Variants in EGFR observed in about 807,000 individuals in gnomAD.
EGFR encodes the protein epidermal growth factor receptor.
In EGFR, 58 loss-of-function variants were observed where a neutral mutation model predicts 143.0. That is an observed-to-expected ratio of 0.41 (90% CI 0.33 to 0.50). The LOEUF (loss-of-function observed/expected upper bound fraction) is 0.50. Ranked by LOEUF, EGFR falls within the 20% of genes least tolerant of loss-of-function variation. The pLI is 0.39. For missense variants in EGFR, 1,307 were observed against 1,579.0 expected, an observed-to-expected ratio of 0.83 and a Z score of 2.92; for synonymous variants, 613 against 594.4, an observed-to-expected ratio of 1.03 and a Z score of -0.45.
intron 1 of EGFR, among the ~76,000 whole-genome samples, chr7:55,090,783 A>G (rs1018775932): frequency 1.3e-5 from 2 of 152,226 alleles, no homozygotes; most frequent in African/African-American, 4.8e-5. Flanking sequence ...TCTTCTAAAG[A>G]CAATCATCTT....
At chr7:55,120,883 C>A (rs533006714) in intron 1 of EGFR, among the ~76,000 whole-genome samples, 3 of 152,300 alleles carry the variant, frequency 2.0e-5, no homozygotes, top group East Asian at 3.9e-4. Context: ...AGTCCAAAGG[C>A]ATTACGGTTA....
intron 1 of EGFR, among the ~76,000 whole-genome samples, chr7:55,092,769 C>T (rs1023723134): frequency 1.3e-5 from 2 of 152,238 alleles, no homozygotes; most frequent in Non-Finnish European, 2.9e-5. Flanking sequence ...CCTGCCCCGG[C>T]GTCAGCCGCT....
intron 1 of EGFR, among the ~76,000 whole-genome samples, chr7:55,105,109 T>C (rs914166666): frequency 6.6e-6 from 1 of 152,234 alleles, no homozygotes; most frequent in Non-Finnish European, 1.5e-5. Context: ...GTCTAATGAA[T>C]GTTCTAAATT....
chr7:55,197,341 A>T (rs796602453), intron 22 of EGFR, among the ~76,000 whole-genome samples: 12 of 152,320 alleles, frequency 7.9e-5, no homozygotes, highest in African/African-American at 2.9e-4. Flanking sequence ...AATGCTAATT[A>T]TTTTTGTACA....
Position 55,183,233 on chromosome 7 carries a change from A to G in EGFR, c.2469+1755A>G, listed in dbSNP as rs899097487. 3.3e-5 allele frequency among the ~76,000 whole-genome samples: 5 copies of G among 152,272 alleles called. No homozygotes were observed. The South Asian group carries it at 6.2e-4, about 19-fold the overall frequency. On this transcript the variant is annotated intron_variant, in intron 20 of 27. Transcript: ENST00000275493. Reference sequence around the variant, plus strand: ...CCAGTCATTGAGTTTGAAAATTGCTAAGAGAGTCTGTTGTAAATCTTCTTA... The same window carrying G: ...CCAGTCATTGAGTTTGAAAATTGCTGAGAGAGTCTGTTGTAAATCTTCTTA...
At chr7:55,065,620 A>G (rs953269615) in intron 1 of EGFR, among the ~76,000 whole-genome samples, 5 of 152,222 alleles carry the variant, frequency 3.3e-5, no homozygotes, top group African/African-American at 9.7e-5. Context: ...GACACAGTGA[A>G]TCATGTTGTA....
chr7:55,027,993 T>A (rs3862854), intron 1 of EGFR, among the ~76,000 whole-genome samples: 3,446 of 60,616 alleles, frequency 0.057, 109 homozygotes, highest in African/African-American at 0.14. Context: ...AAAAAAAAAA[T>A]ATATATATAT....
chr7:55,181,074 G>A, intron 19 of EGFR: 1 of 614,466 alleles, frequency 1.6e-6, no homozygotes, highest in Non-Finnish European at 2.9e-6. Flanking sequence ...GGAATCCCCA[G>A]ATGCACCCAG....
chr7:55,041,440 A>G (rs964668426), intron 1 of EGFR, among the ~76,000 whole-genome samples: 1 of 152,152 alleles, frequency 6.6e-6, no homozygotes, highest in Admixed American at 6.5e-5. Flanking sequence ...AGTTTTACAT[A>G]AAAACGTGGA....
intron 1 of EGFR, among the ~76,000 whole-genome samples, chr7:55,036,728 A>C (rs1264208105): frequency 6.6e-6 from 1 of 152,142 alleles, no homozygotes; most frequent in Non-Finnish European, 1.5e-5. Context: ...CTGTTACTGC[A>C]ATTTACTCTT....
intron 6 of EGFR, 75 bp downstream of exon 6, chr7:55,152,739 C>G: frequency 5.6e-6 from 7 of 1,257,800 alleles, no homozygotes; most frequent in Non-Finnish European, 8.1e-6. Flanking sequence ...GGACAGAAGA[C>G]TTCCTGTGGG....
In EGFR at chr7:55,156,430, T is replaced by G. The variant is rs1584179859; in HGVS notation, c.1007-103T>G. The G allele has an allele frequency of 1.6e-5, 24 of 1,530,274 alleles. No individual in the cohort carries two copies. The East Asian group carries it at 5.2e-4, about 33-fold the overall frequency. 94.8% of individuals were successfully genotyped at this position (1,530,274 alleles called of 1,614,324 possible). On this transcript the variant is annotated intron_variant, in intron 8 of 27. Transcript: ENST00000275493. ...TGAAGGATGATGTGGCAGTGGCGGT[T>G]CCGGTGACCGGAATTCCTTCCTGCT...
intron 4 of EGFR, among the ~76,000 whole-genome samples, chr7:55,147,731 T>C (rs1794842630): frequency 6.6e-6 from 1 of 152,192 alleles, no homozygotes; most frequent in Non-Finnish European, 1.5e-5. Context: ...CAGAACTCTT[T>C]TATCTTGCAA....
At position 55,019,272 on chromosome 7, in the gene EGFR, G is replaced by A. The variant is rs2128853256; in HGVS notation, c.-6G>A. On this transcript the variant is annotated 5_prime_UTR_variant, in exon 1 of 28. Coordinates refer to ENST00000275493, the MANE Select transcript of EGFR (RefSeq NM_005228.5). ...AGAGCCGGAGCGAGCTCTTCGGGGA[G>A]CAGCGATGCGACCCTCCGGGACGGC... 2 of 1,497,470 alleles carry A rather than the reference G, an allele frequency of 1.3e-6. No homozygotes were observed. The highest frequency in any genetic ancestry group is 8.9e-7 in the Non-Finnish European group (1 of 1,118,028). 92.8% of individuals were successfully genotyped at this position (1,497,470 alleles called of 1,614,324 possible). A position where few individuals can be genotyped will look rare whatever the true frequency, so the allele number is the denominator to read the frequency against.
intron 1 of EGFR, among the ~76,000 whole-genome samples, chr7:55,068,679 G>A (rs927596410): frequency 3.9e-5 from 6 of 152,160 alleles, no homozygotes; most frequent in Non-Finnish European, 8.8e-5. Flanking sequence ...TACCCATCAT[G>A]CACAGATGGC....
intron 1 of EGFR, among the ~76,000 whole-genome samples, chr7:55,113,256 C>T (rs1357658544): frequency 6.6e-6 from 1 of 152,214 alleles, no homozygotes; most frequent in Non-Finnish European, 1.5e-5. Context: ...GCCAAGCCTG[C>T]CAGCTCTGCC....
At chr7:55,041,579 T>C (rs563326815) in intron 1 of EGFR, among the ~76,000 whole-genome samples, 1 of 152,334 alleles carries the variant, frequency 6.6e-6, no homozygotes, top group East Asian at 1.9e-4. Flanking sequence ...AATACACATC[T>C]GCAGCCCTAA....
intron 4 of EGFR, among the ~76,000 whole-genome samples, chr7:55,149,764 A>G (rs1166181848): frequency 6.6e-6 from 1 of 152,228 alleles, no homozygotes; most frequent in East Asian, 1.9e-4. Flanking sequence ...TTTATAATAA[A>G]TTTTGTGAAC....
chr7:55,067,815 TGTGC>T lies in EGFR; in HGVS notation c.88+48454_88+48457del, dbSNP rs147045179. Reference sequence around the variant, plus strand: ...ATAGTTGCCATTGTGTGTGCGCGGATGTGCGTGTATGTGTGTGTATGTGTGCACG... The same window carrying T: ...ATAGTTGCCATTGTGTGTGCGCGGATGTGTATGTGTGTGTATGTGTGCACG... On this transcript the variant is annotated intron_variant, in intron 1 of 27. Coordinates refer to ENST00000275493, the MANE Select transcript of EGFR (RefSeq NM_005228.5). Among the ~76,000 whole-genome samples, 1,497 of 151,254 alleles carry T rather than the reference TGTGC, an allele frequency of 9.9e-3. 113 individuals carry two copies. The highest frequency in any genetic ancestry group is 0.034 in the African/African-American group (1,383 of 40,736).
Sources: allele counts gnomAD v4.1 joint callset (sites outside exome capture counted in the v4.1 genomes callset), GRCh38; gene constraint gnomAD v4.1.1; transcripts MANE v1.5; gene names NCBI Gene and HGNC (gene_info 2026-07-23, HGNC 2026-07-21).